NHSL2: variants seen among roughly 807,000 people sequenced by gnomAD.
NHSL2 encodes the protein NHS like 2.
In NHSL2, 27 loss-of-function variants were observed where a neutral mutation model predicts 53.4. The ratio of observed to expected loss-of-function variants is 0.51; its 90% CI spans 0.37 to 0.70. NHSL2 has a LOEUF of 0.70. Among genes scored for constraint, NHSL2 ranks in the 30% least tolerant of loss-of-function variants. The pLI, the probability that NHSL2 is intolerant of heterozygous loss-of-function variation, is 0.00. For synonymous variants in NHSL2, 408 were observed against 404.1 expected (o/e 1.01, Z -0.12); for missense variants, 892 against 980.1 (o/e 0.91, Z 1.20).
intron 1 of NHSL2, among the ~76,000 whole-genome samples, chrX:71,952,773 G>T (rs766592991): frequency 9.0e-6 from 1 of 110,849 alleles, no homozygotes; most frequent in African/African-American, 3.3e-5. Context: ...TCCTGTTGGG[G>T]TCCTCTCCCT....
chrX:71,958,309 G>A (rs1324869165), intron 1 of NHSL2, among the ~76,000 whole-genome samples: 2 of 111,877 alleles, frequency 1.8e-5, no homozygotes, highest in African/African-American at 6.5e-5. Flanking sequence ...CTGCTTGCTG[G>A]CTCATGGGCT....
intron 1 of NHSL2, among the ~76,000 whole-genome samples, chrX:72,122,611 A>C (rs1375311348): frequency 8.9e-6 from 1 of 112,388 alleles, no homozygotes; most frequent in Non-Finnish European, 1.9e-5. Context: ...TGGCAGAGCC[A>C]GGGTTCAAAG....
chrX:71,998,687 C>T (rs943699222), intron 1 of NHSL2, among the ~76,000 whole-genome samples: 1 of 111,703 alleles, frequency 9.0e-6, no homozygotes, highest in Non-Finnish European at 1.9e-5. Flanking sequence ...CTAGGTTAAA[C>T]GATGGTCAGT....
Position 71,946,324 on chromosome X carries a change from C to T in NHSL2, c.280+34957C>T, listed in dbSNP as rs773197963. On this transcript the variant is annotated intron_variant, in intron 1 of 7. Transcript: ENST00000633930. ...AATTCAGGCAGAGGGCATAGCCTGC[C>T]TGTTGATTAAGTATTCAAGAATTTT... Among the ~76,000 whole-genome samples, 10 of 112,270 alleles carry T rather than the reference C, an allele frequency of 8.9e-5. No individual in the cohort carries two copies. The South Asian group carries it at 3.8e-3, about 42-fold the overall frequency.
Position 72,075,794 on chromosome X carries a change from G to A in NHSL2, c.281-56285G>A, listed in dbSNP as rs910867156. ...CAAGGAGCGTGTGTGAGCTGCTCTTGTTATTGCTCAAGATGATCAGGGTAA... is the reference window on the plus strand; with the variant it reads ...CAAGGAGCGTGTGTGAGCTGCTCTTATTATTGCTCAAGATGATCAGGGTAA... On this transcript the variant is annotated intron_variant, in intron 1 of 7. Transcript: ENST00000633930. Among the ~76,000 whole-genome samples, 7 of 111,012 alleles carry A rather than the reference G, an allele frequency of 6.3e-5. No homozygotes were observed. In the Admixed American group the frequency reaches 6.7e-4, roughly 11 times the overall value.
chrX:72,024,425 C>A (rs889631514), intron 1 of NHSL2, among the ~76,000 whole-genome samples: 2 of 111,607 alleles, frequency 1.8e-5, no homozygotes, highest in African/African-American at 6.5e-5. Context: ...GTGGCCTTGG[C>A]AGTATTTTAA....
chrX:71,911,051 G>T lies in NHSL2; in HGVS notation c.-37G>T. On this transcript the variant is annotated 5_prime_UTR_variant, in exon 1 of 8. Transcript: ENST00000633930. ...CTGCTCGGGGTGAGCCCGCCGCGCC[G>T]CCAGACTGGTCCCCTGCGCCCGCGC... 4.1e-6 allele frequency: 4 copies of T among 973,465 alleles called. No homozygotes were observed. The highest frequency in any genetic ancestry group is 1.3e-6 in the Non-Finnish European group (1 of 776,199). The allele number at this position is 973,465 out of a possible 1,213,427, so 80.2% of individuals were successfully genotyped here. A position where few individuals can be genotyped will look rare whatever the true frequency, so the allele number is the denominator to read the frequency against.
intron 1 of NHSL2, among the ~76,000 whole-genome samples, chrX:71,999,789 A>G (rs2042064879): frequency 9.2e-6 from 1 of 108,461 alleles, no homozygotes; most frequent in African/African-American, 3.4e-5. Context: ...AATTATTTCA[A>G]CATTTAAAAA....
Position 72,144,446 on chromosome X carries a change from C to A in NHSL2, c.*872C>A. 1.2e-6 allele frequency: 1 copy of A among 852,299 alleles called. No individual in the cohort carries two copies. Among genetic ancestry groups the A allele is most frequent in the Non-Finnish European group, 1.6e-6 (1 of 620,001 alleles). The allele number at this position is 852,299 out of a possible 1,213,427, so 70.2% of individuals were successfully genotyped here. ...ATCTGCGCCCAGCTCATGCTGCATT[C>A]TAAGAACTCTCATTTCATTTGCATA... On this transcript the variant is annotated 3_prime_UTR_variant, in exon 8 of 8. Coordinates refer to ENST00000633930, the MANE Select transcript of NHSL2 (RefSeq NM_001013627.3).
chrX:71,969,777 T>C (rs999810608), intron 1 of NHSL2, among the ~76,000 whole-genome samples: 1 of 112,519 alleles, frequency 8.9e-6, no homozygotes, highest in East Asian at 2.8e-4. Context: ...TTGTTTCTTT[T>C]TCTTTTTAAA....
intron 1 of NHSL2, chrX:72,130,782 G>A (rs754659329): frequency 1.2e-5 from 14 of 1,211,702 alleles, no homozygotes; most frequent in Middle Eastern, 2.3e-4. Context: ...CATCTGCATA[G>A]CTGCCGAGGG....
At chrX:72,044,631 C>T (rs2042294968) in intron 1 of NHSL2, 21 of 1,148,557 alleles carry the variant, frequency 1.8e-5, no homozygotes, top group South Asian at 1.3e-4. Flanking sequence ...GTGTCCGATG[C>T]GTGCCCACAG....
At chrX:72,093,717 G>GCTTTCTTTCTTTCTTT (rs1491238848) in intron 1 of NHSL2, among the ~76,000 whole-genome samples, 95 of 78,663 alleles carry the variant, frequency 1.2e-3, no homozygotes, top group African/African-American at 2.9e-3. Flanking sequence ...AGTATAGCTT[G>GCTTTCTTTCTTTCTTT]CTTGCTTTCT....
At chrX:72,132,256 G>T in intron 2 of NHSL2, 22 bp downstream of exon 2, 1 of 1,139,616 alleles carries the variant, frequency 8.8e-7, no homozygotes, top group Non-Finnish European at 1.2e-6. Flanking sequence ...GAGGGGGGCT[G>T]CGGCCGGAGC....
chrX:72,123,284 A>G (rs751038719), intron 1 of NHSL2, among the ~76,000 whole-genome samples: 13 of 112,538 alleles, frequency 1.2e-4, no homozygotes, highest in Non-Finnish European at 2.4e-4. Context: ...GAAGGATAGC[A>G]TAGGCAGATG....
At chrX:72,095,349 G>T (rs1249055902) in intron 1 of NHSL2, among the ~76,000 whole-genome samples, 1 of 112,478 alleles carries the variant, frequency 8.9e-6, no homozygotes, top group Non-Finnish European at 1.9e-5. Context: ...GATAGACCAA[G>T]GTGTCTGGGT....
intron 1 of NHSL2, among the ~76,000 whole-genome samples, chrX:72,043,483 G>A (rs1317620893): frequency 1.8e-5 from 2 of 111,533 alleles, no homozygotes; most frequent in Non-Finnish European, 3.8e-5. Context: ...CACAAGGAAA[G>A]AGAGGTAATG....
At chrX:72,029,181 T>A (rs1178977657) in intron 1 of NHSL2, among the ~76,000 whole-genome samples, 1 of 111,371 alleles carries the variant, frequency 9.0e-6, no homozygotes. Context: ...GGTTCAGGAC[T>A]GGAGTCATAA....
intron 1 of NHSL2, among the ~76,000 whole-genome samples, chrX:71,998,696 G>A (rs2042060149): frequency 8.9e-6 from 1 of 111,740 alleles, no homozygotes. Context: ...ACGATGGTCA[G>A]TGGCCTTTCA....
Sources: gnomAD v4.1 joint callset for allele counts (sites outside exome capture counted in the v4.1 genomes callset) on GRCh38, gnomAD v4.1.1 for gene constraint, MANE v1.5 for transcripts, NCBI Gene and HGNC (gene_info 2026-07-23, HGNC 2026-07-21) for gene names.